Variants in LPP observed in about 807,000 individuals in gnomAD.
LPP encodes the protein LIM domain containing preferred translocation partner in lipoma, also known as lipoma-preferred partner.
In LPP, 38 loss-of-function variants were observed where a neutral mutation model predicts 60.4. The observed-to-expected ratio is 0.63, with a 90% CI of 0.49 to 0.83. LPP has a LOEUF of 0.83. Ranked by LOEUF, LPP falls within the 40% of genes least tolerant of loss-of-function variation. The pLI is 0.00. For synonymous variants in LPP, 328 were observed against 290.8 expected (o/e 1.13, Z -1.30); for missense variants, 902 against 783.6 (o/e 1.15, Z -1.80).
At chr3:188,360,099 G>A (rs769635039) in intron 3 of LPP, among the ~76,000 whole-genome samples, 9 of 151,968 alleles carry the variant, frequency 5.9e-5, no homozygotes, top group Non-Finnish European at 1.0e-4. Flanking sequence ...CTTCCTTATC[G>A]TTAGTGTCAC....
intron 2 of LPP, among the ~76,000 whole-genome samples, chr3:188,299,611 C>T (rs1392924861): frequency 6.6e-6 from 1 of 152,110 alleles, no homozygotes; most frequent in Admixed American, 6.5e-5. Flanking sequence ...GAATAGTCTC[C>T]CCGTCCCACT....
intron 2 of LPP, among the ~76,000 whole-genome samples, chr3:188,323,082 T>G (rs2150400527): frequency 6.6e-6 from 1 of 152,336 alleles, no homozygotes; most frequent in South Asian, 2.1e-4. Flanking sequence ...CTAAAAAGCT[T>G]GGACTAAAAG....
intron 9 of LPP, among the ~76,000 whole-genome samples, chr3:188,849,873 T>C (rs986676924): frequency 5.9e-5 from 9 of 152,242 alleles, no homozygotes; most frequent in African/African-American, 2.2e-4. Context: ...CCCTCCAACC[T>C]GAAGACAACG....
At chr3:188,357,481 G>A (rs1270412761) in intron 3 of LPP, among the ~76,000 whole-genome samples, 1 of 152,168 alleles carries the variant, frequency 6.6e-6, no homozygotes, top group African/African-American at 2.4e-5. Flanking sequence ...TGAGCACCCA[G>A]AAACAGCAGT....
intron 4 of LPP, among the ~76,000 whole-genome samples, chr3:188,470,012 G>C (rs893607362): frequency 1.3e-5 from 2 of 151,852 alleles, no homozygotes; most frequent in African/African-American, 4.8e-5. Context: ...CACAACCCTG[G>C]GTAGTATAAA....
chr3:188,838,858 C>T (rs902162608), intron 9 of LPP, among the ~76,000 whole-genome samples: 4 of 151,998 alleles, frequency 2.6e-5, no homozygotes, highest in Admixed American at 2.0e-4. Flanking sequence ...TGGGGCCTGT[C>T]GTGGGGGTCG....
At chr3:188,658,025 ATTTG>A (rs960787965) in intron 7 of LPP, among the ~76,000 whole-genome samples, 62 of 152,226 alleles carry the variant, frequency 4.1e-4, no homozygotes, top group African/African-American at 1.3e-3. Flanking sequence ...TACTTGACAT[ATTTG>A]TTTATCAATC....
At position 188,523,129 on chromosome 3, in the gene LPP, A is replaced by T. The variant is rs558735129; in HGVS notation, c.307-1536A>T. 9.9e-5 allele frequency among the ~76,000 whole-genome samples: 15 copies of T among 151,242 alleles called. No individual in the cohort carries two copies. In the South Asian group the frequency reaches 3.1e-3, roughly 32 times the overall value. ...ACCATGTTGGCCAGGCTGGTCTTGAACTCCTGGCCTCAGATAATCCACCCG... is the reference window on the plus strand; with the variant it reads ...ACCATGTTGGCCAGGCTGGTCTTGATCTCCTGGCCTCAGATAATCCACCCG... On this transcript the variant is annotated intron_variant, in intron 5 of 11. Transcript: ENST00000617246.
At chr3:188,597,504 A>G (rs143735414) in intron 6 of LPP, among the ~76,000 whole-genome samples, 5,657 of 152,212 alleles carry the variant, frequency 0.037, 137 homozygotes, top group Admixed American at 0.054. Context: ...GGTTGGTTCT[A>G]TTACAGTAGT....
intron 9 of LPP, among the ~76,000 whole-genome samples, chr3:188,859,229 G>A (rs141638731): frequency 1.3e-5 from 2 of 151,614 alleles, no homozygotes; most frequent in Non-Finnish European, 2.9e-5. Context: ...GCTTATCTGC[G>A]ACTCCTATAA....
At chr3:188,698,291 G>A (rs1863702268) in intron 7 of LPP, among the ~76,000 whole-genome samples, 2 of 152,014 alleles carry the variant, frequency 1.3e-5, no homozygotes, top group South Asian at 4.2e-4. Context: ...CAAACTTTTA[G>A]GTCATGGGTC....
At chr3:188,858,313 C>T (rs1005634226) in intron 9 of LPP, among the ~76,000 whole-genome samples, 1 of 152,154 alleles carries the variant, frequency 6.6e-6, no homozygotes, top group Non-Finnish European at 1.5e-5. Flanking sequence ...GGGTCTGACC[C>T]ACAGTCCTCA....
At chr3:188,785,791 C>G (rs1741665978) in intron 9 of LPP, among the ~76,000 whole-genome samples, 1 of 151,958 alleles carries the variant, frequency 6.6e-6, no homozygotes, top group East Asian at 1.9e-4. Context: ...CACATTGTTT[C>G]CATAGGACCA....
At chr3:188,843,389 T>C (rs888698618) in intron 9 of LPP, among the ~76,000 whole-genome samples, 3 of 152,186 alleles carry the variant, frequency 2.0e-5, no homozygotes, top group Non-Finnish European at 2.9e-5. Flanking sequence ...CTTGGCAGTG[T>C]AACTGGCCAC....
At chr3:188,472,652 G>A (rs1226354080) in intron 4 of LPP, 3 of 152,142 alleles carry the variant, frequency 2.0e-5, no homozygotes, top group Non-Finnish European at 4.4e-5. Flanking sequence ...AGCCATCCTT[G>A]TCTTCGGGGA....
chr3:188,218,390 AAAGC>A (rs1420687112), intron 1 of LPP, among the ~76,000 whole-genome samples: 1 of 152,170 alleles, frequency 6.6e-6, no homozygotes, highest in Non-Finnish European at 1.5e-5. Flanking sequence ...CCACCAGGCC[AAAGC>A]AACTTAGCTT....
chr3:188,485,796 C>CAAAAAAAAAAAAAAAAAAAAAAAAAAAAA (rs766522013), intron 5 of LPP, among the ~76,000 whole-genome samples: 3 of 40,156 alleles, frequency 7.5e-5, no homozygotes, highest in African/African-American at 1.1e-4. Flanking sequence ...GACTCCGTCT[C>CAAAAAAAAAAAAAAAAAAAAAAAAAAAAA]AAAAAAAAAA....
chr3:188,196,907 A>T (rs896905794), intron 1 of LPP, among the ~76,000 whole-genome samples: 2 of 151,954 alleles, frequency 1.3e-5, no homozygotes, highest in African/African-American at 2.4e-5. Flanking sequence ...TCCTTTCAAG[A>T]TTTTGCTCTG....
At chr3:188,713,187 G>A (rs1448802966) in intron 8 of LPP, among the ~76,000 whole-genome samples, 2 of 152,174 alleles carry the variant, frequency 1.3e-5, no homozygotes, top group African/African-American at 2.4e-5. Flanking sequence ...CTGCAGCATC[G>A]TCTAGGCAGT....
Sources: gnomAD v4.1 joint callset for allele counts (sites outside exome capture counted in the v4.1 genomes callset) on GRCh38, gnomAD v4.1.1 for gene constraint, MANE v1.5 for transcripts, NCBI Gene and HGNC (gene_info 2026-07-23, HGNC 2026-07-21) for gene names.